Variants in SI observed in about 807,000 individuals in gnomAD.
SI encodes sucrase-isomaltase, intestinal.
Under a neutral mutation model 253.3 loss-of-function variants are expected in SI, and 235 were observed. That is an observed-to-expected ratio of 0.93 (90% CI 0.83 to 1.03). The LOEUF is 1.03. Ranked by LOEUF, SI falls within the 50% of genes least tolerant of loss-of-function variation. The probability of loss-of-function intolerance (pLI) is 0.00; values close to 1 mark genes in which losing one functional copy is unlikely to be tolerated. For synonymous variants in SI, 819 were observed against 712.0 expected (o/e 1.15, Z -2.39); for missense variants, 2,442 against 2,211.1 (o/e 1.10, Z -2.09).
intron 8 of SI, 62 bp from the exon 9 acceptor site, chr3:165,062,545 C>A: frequency 2.5e-6 from 2 of 813,170 alleles, no homozygotes; most frequent in Non-Finnish European, 4.3e-6. Context: ...TAATTAATTG[C>A]AAAGTCCATT....
chr3:165,078,902 A>T (rs1438349083), upstream of SI, among the ~76,000 whole-genome samples: 2 of 151,670 alleles, frequency 1.3e-5, no homozygotes, highest in East Asian at 1.9e-4. Flanking sequence ...CAATTAGAAG[A>T]TAATATTTTA....
chr3:165,007,669 G>C (rs1175739132), intron 36 of SI, among the ~76,000 whole-genome samples: 3 of 151,368 alleles, frequency 2.0e-5, no homozygotes, highest in Non-Finnish European at 3.0e-5. Flanking sequence ...TCTCAAAATA[G>C]TGTTAAATAA....
chr3:165,042,124 A>T (rs900481575), intron 17 of SI, among the ~76,000 whole-genome samples: 1 of 152,042 alleles, frequency 6.6e-6, no homozygotes, highest in African/African-American at 2.4e-5. Context: ...AAATTTCAAA[A>T]TTTATTTCTG....
At chr3:165,077,236 T>A (rs932374355) in intron 1 of SI, among the ~76,000 whole-genome samples, 10 of 151,722 alleles carry the variant, frequency 6.6e-5, no homozygotes, top group African/African-American at 2.2e-4. Flanking sequence ...TCCCTCCCCA[T>A]CCACTCTTCT....
chr3:165,057,815 C>T (rs1017972100), intron 12 of SI, among the ~76,000 whole-genome samples: 1 of 151,804 alleles, frequency 6.6e-6, no homozygotes, highest in African/African-American at 2.4e-5. Flanking sequence ...TTCATCAACA[C>T]CAGACAAGTC....
the SI span, among the ~76,000 whole-genome samples, chr3:165,089,476 C>T: frequency 3.3e-5 from 5 of 151,940 alleles, no homozygotes; most frequent in Admixed American, 3.3e-4. Flanking sequence ...GTGAATCTGC[C>T]AAAAGTGAAT....
chr3:165,056,294 C>CTT, intron 12 of SI, among the ~76,000 whole-genome samples: 1 of 151,976 alleles, frequency 6.6e-6, no homozygotes, highest in Non-Finnish European at 1.5e-5. Context: ...TCACGGGAAA[C>CTT]TTTAAGTTGG....
intron 31 of SI, 40 bp from the exon 32 acceptor site, chr3:165,016,120 C>A (rs1322395786): frequency 5.7e-6 from 9 of 1,566,304 alleles, no homozygotes; most frequent in Non-Finnish European, 7.0e-6. Flanking sequence ...GCAAAAAATA[C>A]AAAATAGTAA....
intron 34 of SI, among the ~76,000 whole-genome samples, chr3:165,011,303 T>G (rs1298096275): frequency 6.6e-6 from 1 of 152,160 alleles, no homozygotes; most frequent in Non-Finnish European, 1.5e-5. Context: ...CTAAGTTGTA[T>G]TTTTATTTTT....
chr3:165,006,705 G>T (rs1718526014), intron 37 of SI, 111 bp downstream of exon 37: 4 of 901,312 alleles, frequency 4.4e-6, no homozygotes, highest in Non-Finnish European at 7.1e-6. Flanking sequence ...GAGAACAATT[G>T]GGAAGTAAAG....
intron 40 of SI, among the ~76,000 whole-genome samples, chr3:164,994,894 T>C (rs1006662980): frequency 6.6e-6 from 1 of 151,494 alleles, no homozygotes; most frequent in Admixed American, 6.6e-5. Flanking sequence ...AGGGAAGGCA[T>C]AAAGATGAAT....
chr3:165,022,671 A>G (rs1576891462), intron 26 of SI, among the ~76,000 whole-genome samples: 1 of 151,482 alleles, frequency 6.6e-6, no homozygotes, highest in African/African-American at 2.4e-5. Flanking sequence ...ACAACCAGGC[A>G]ATGCTATCTC....
chr3:165,078,133 C>G (rs953455004), intron 1 of SI, among the ~76,000 whole-genome samples: 1 of 151,098 alleles, frequency 6.6e-6, no homozygotes, highest in Non-Finnish European at 1.5e-5. Flanking sequence ...AAATCTTAAT[C>G]AGTACTCATT....
At chr3:165,074,705 A>T (rs1214781575) in intron 2 of SI, 38 bp from the exon 3 acceptor site, 2 of 1,512,592 alleles carry the variant, frequency 1.3e-6, no homozygotes, top group East Asian at 2.3e-5. Context: ...AAAACATGAC[A>T]TTAAATTAAT....
In SI at chr3:164,982,329, TC is replaced by T; in HGVS notation, c.5328del (p.Gly1778GlufsTer10). 1 of 1,612,848 alleles carries T rather than the reference TC, an allele frequency of 6.2e-7. No homozygotes were observed. The highest frequency in any genetic ancestry group is 8.5e-7 in the Non-Finnish European group (1 of 1,179,188). Reference protein sequence around the residue: ...ETRLGSLHVWGKGTTPVNAVT... With the variant: ...ETRLGSLHVWXKGTTPVNAVT... ...ACTGCATTGACAGGAGTAGTTCCTT[TC>T]CCCCATACATGAAGGGATCCAAGCC... is the stretch of plus-strand genomic sequence containing the variant. On this transcript the variant is annotated frameshift_variant, in exon 47 of 48. Transcript: ENST00000264382. LOFTEE classifies it high-confidence loss of function.
At position 165,036,476 on chromosome 3, in the gene SI, G is replaced by A. The variant is rs370537003; in HGVS notation, c.2428C>T (p.Arg810Cys). 3.1e-6 allele frequency: 5 copies of A among 1,607,138 alleles called. No homozygotes were observed. In the African/African-American group the frequency reaches 5.4e-5, roughly 17 times the overall value. ...QEPDVTTTAS[R>C]KNPLGLIVAL... The stretch of plus-strand genomic sequence containing the variant: ...ACTATAAGTCCTAGAGGATTCTTAC[G>A]GCTGTTAAGAAAAATTAGGTGCATA... The change falls in exon 22 of 48, where the codon CGT becomes TGT. Residue 810 changes from arginine (R) to cysteine (C), a missense_variant and splice_region_variant. Coordinates refer to ENST00000264382, the MANE Select transcript of SI (RefSeq NM_001041.4).
intron 47 of SI, among the ~76,000 whole-genome samples, chr3:164,981,255 C>T (rs973341407): frequency 1.3e-5 from 2 of 151,872 alleles, no homozygotes; most frequent in African/African-American, 4.8e-5. Flanking sequence ...GTAAGAAAAA[C>T]ATAGTTCCAT....
At chr3:165,079,681 A>G (rs74937108), upstream of SI, among the ~76,000 whole-genome samples, 3,205 of 151,840 alleles carry the variant, frequency 0.021, 49 homozygotes, top group Middle Eastern at 0.054. Context: ...CAAAGCTCCT[A>G]GAACCAATAG....
intron 13 of SI, among the ~76,000 whole-genome samples, chr3:165,051,321 G>A (rs1713417360): frequency 6.6e-6 from 1 of 152,044 alleles, no homozygotes; most frequent in South Asian, 2.1e-4. Context: ...TTGTTATCAT[G>A]ACACGTTTAA....
Sources: allele counts gnomAD v4.1 joint callset (sites outside exome capture counted in the v4.1 genomes callset), GRCh38; gene constraint gnomAD v4.1.1; transcripts MANE v1.5; gene names NCBI Gene and HGNC (gene_info 2026-07-23, HGNC 2026-07-21).